Variants in C2orf49 observed in about 807,000 individuals in gnomAD.
C2orf49 encodes tRNA-splicing ligase complex subunit ASW.
In C2orf49, 11 loss-of-function variants were observed where a neutral mutation model predicts 20.6. The ratio of observed to expected loss-of-function variants is 0.53; its 90% CI spans 0.34 to 0.88. The LOEUF is 0.88. C2orf49 is among the 40% of genes least tolerant of loss of function. C2orf49 has a pLI of 0.02. For missense variants in C2orf49, 289 were observed against 274.2 expected, an observed-to-expected ratio of 1.05 and a Z score of -0.38; for synonymous variants, 134 against 108.5, an observed-to-expected ratio of 1.24 and a Z score of -1.46.
At chr2:105,350,098 C>T (rs977067468), downstream of C2orf49, among the ~76,000 whole-genome samples, 5 of 152,338 alleles carry the variant, frequency 3.3e-5, no homozygotes, top group Admixed American at 6.5e-5. Context: ...CTATCCCCCC[C>T]GGTCTAGCTG....
chr2:105,370,356 A>C, the C2orf49 span, among the ~76,000 whole-genome samples: 23,168 of 151,776 alleles, frequency 0.15, 2,163 homozygotes, highest in South Asian at 0.22. Flanking sequence ...GCCTGAGCGA[A>C]AGAGCGAGAT....
chr2:105,349,562 T>G (rs944574313), downstream of C2orf49, among the ~76,000 whole-genome samples: 1 of 152,198 alleles, frequency 6.6e-6, no homozygotes, highest in South Asian at 2.1e-4. Flanking sequence ...GAATAAAAAA[T>G]AGAGATTAGA....
chr2:105,377,751 G>T, the C2orf49 span: 1 of 267,452 alleles, frequency 3.7e-6, no homozygotes, highest in Non-Finnish European at 7.4e-6. Context: ...CTCGTTTGGG[G>T]AAAAGCTGCA....
the C2orf49 span, among the ~76,000 whole-genome samples, chr2:105,369,615 A>C: frequency 6.6e-6 from 1 of 152,240 alleles, no homozygotes; most frequent in South Asian, 2.1e-4. Context: ...TCCTAAAACA[A>C]ACATTACATG....
the C2orf49 span, among the ~76,000 whole-genome samples, chr2:105,362,557 C>G: frequency 6.6e-6 from 1 of 152,250 alleles, no homozygotes; most frequent in East Asian, 1.9e-4. Context: ...AACCAGTCAA[C>G]TGAATGCAAC....
chr2:105,363,250 A>G, the C2orf49 span: 97 of 1,608,432 alleles, frequency 6.0e-5, no homozygotes, highest in Middle Eastern at 6.6e-4. Flanking sequence ...CAAGCTTCCA[A>G]TCGCCCCTGG....
At chr2:105,339,296 A>G in intron 1 of C2orf49, among the ~76,000 whole-genome samples, 1 of 152,180 alleles carries the variant, frequency 6.6e-6, no homozygotes, top group African/African-American at 2.4e-5. Context: ...GTATATTAAG[A>G]TAATTTTACT....
At chr2:105,378,487 G>T in the C2orf49 span, 1 of 236,800 alleles carries the variant, frequency 4.2e-6, no homozygotes, top group East Asian at 1.2e-4. Context: ...CTTCAGGCTG[G>T]TGTAGAGTGG....
the C2orf49 span, chr2:105,373,844 G>A: frequency 1.4e-5 from 14 of 1,032,566 alleles, no homozygotes; most frequent in African/African-American, 9.5e-5. Flanking sequence ...AAGTTGGGCC[G>A]AGGCACCCTG....
At chr2:105,382,571 T>C in the C2orf49 span, among the ~76,000 whole-genome samples, 1 of 152,396 alleles carries the variant, frequency 6.6e-6, no homozygotes, top group East Asian at 1.9e-4. Flanking sequence ...TCATGCAGTT[T>C]AGGCATTTAC....
Position 105,337,721 on chromosome 2 carries a change from G to GGGGGGGGGGGGGGGGGTGGCC in C2orf49, c.99+35_99+36insGGGGGGGGGGGGGGGGTGGCC. 2 of 26,800 alleles carry GGGGGGGGGGGGGGGGGTGGCC rather than the reference G, an allele frequency of 7.5e-5. 1 individual carries two copies. Among genetic ancestry groups the GGGGGGGGGGGGGGGGGTGGCC allele is most frequent in the Non-Finnish European group, 1.3e-4 (2 of 15,234 alleles). 1.7% of individuals were successfully genotyped at this position (26,800 alleles called of 1,614,324 possible). On this transcript the variant is annotated intron_variant, in intron 1 of 3. Coordinates refer to ENST00000258457, the MANE Select transcript of C2orf49 (RefSeq NM_024093.3). ...GCCGGATCGGAGGGTGGGCGGGTGG[G>GGGGGGGGGGGGGGGGGTGGCC]CCTTCCCAGGTGAGGCGCTTGCACC... is the stretch of plus-strand genomic sequence containing the variant.
At chr2:105,373,583 C>A in the C2orf49 span, 1 of 1,614,238 alleles carries the variant, frequency 6.2e-7, no homozygotes, top group Non-Finnish European at 8.5e-7. Context: ...TTCTTGCATT[C>A]CTGGCACTTG....
chr2:105,345,155 A>G (rs943332636), intron 3 of C2orf49, among the ~76,000 whole-genome samples, 160 bp from the exon 4 acceptor site: 2 of 152,132 alleles, frequency 1.3e-5, no homozygotes, highest in African/African-American at 4.8e-5. Flanking sequence ...CCACAGAGCT[A>G]GAGAACTCAC....
chr2:105,365,522 G>C, the C2orf49 span, among the ~76,000 whole-genome samples: 6 of 152,024 alleles, frequency 3.9e-5, no homozygotes, highest in African/African-American at 1.2e-4. Flanking sequence ...GTCTTGATGA[G>C]AAGAACAAAC....
chr2:105,362,133 T>C, the C2orf49 span, among the ~76,000 whole-genome samples: 1 of 152,224 alleles, frequency 6.6e-6, no homozygotes, highest in African/African-American at 2.4e-5. Flanking sequence ...CTTAATGTTA[T>C]AAACATTTAC....
chr2:105,368,759 C>CCA, the C2orf49 span, among the ~76,000 whole-genome samples: 1 of 152,084 alleles, frequency 6.6e-6, no homozygotes, highest in Non-Finnish European at 1.5e-5. Flanking sequence ...ACGGATGATT[C>CCA]CAGATAGGCG....
the C2orf49 span, among the ~76,000 whole-genome samples, chr2:105,361,996 C>T: frequency 7.9e-5 from 12 of 152,124 alleles, no homozygotes; most frequent in Non-Finnish European, 4.4e-5. Context: ...TACATTGGTC[C>T]GTGATTATAA....
At chr2:105,379,784 A>G in the C2orf49 span, among the ~76,000 whole-genome samples, 7 of 152,258 alleles carry the variant, frequency 4.6e-5, no homozygotes, top group African/African-American at 1.7e-4. Flanking sequence ...CTTCTCCCCA[A>G]AAGGCCAAAT....
At chr2:105,367,498 AGAAC>A in the C2orf49 span, 1 of 1,467,932 alleles carries the variant, frequency 6.8e-7, no homozygotes, top group Admixed American at 2.1e-5. Flanking sequence ...TTTTGGAAAG[AGAAC>A]TGACAGACAT....
Sources: gnomAD v4.1 joint callset for allele counts (sites outside exome capture counted in the v4.1 genomes callset) on GRCh38, gnomAD v4.1.1 for gene constraint, MANE v1.5 for transcripts, NCBI Gene and HGNC (gene_info 2026-07-23, HGNC 2026-07-21) for gene names.